SUMF1: variants seen among roughly 807,000 people sequenced by gnomAD.
SUMF1 encodes the protein formylglycine-generating enzyme.
Under a neutral mutation model 47.6 loss-of-function variants are expected in SUMF1, and 48 were observed. The observed-to-expected ratio is 1.01, with a 90% confidence interval of 0.80 to 1.28. SUMF1 has a LOEUF of 1.28. SUMF1 is among the 50% of genes most tolerant of loss of function. The probability of loss-of-function intolerance (pLI) is 0.00; values close to 1 mark genes in which losing one functional copy is unlikely to be tolerated. For missense variants in SUMF1, 571 were observed against 485.4 expected, an observed-to-expected ratio of 1.18 and a Z score of -1.66; for synonymous variants, 230 against 192.1, an observed-to-expected ratio of 1.20 and a Z score of -1.63.
chr3:4,236,219 G>A lies in SUMF1; in HGVS notation c.1014+140111C>T, dbSNP rs1390976729. Reference sequence around the variant, plus strand: ...AAAAATTCAGTTTAAAAGCTACAAAGGAAACTAATAGAAAAACCACATATC... The same window carrying A: ...AAAAATTCAGTTTAAAAGCTACAAAAGAAACTAATAGAAAAACCACATATC... On this transcript the variant is annotated intron_variant and NMD_transcript_variant, in intron 8 of 12. Coordinates refer to the SUMF1 transcript ENST00000448413. 2.6e-5 allele frequency among the ~76,000 whole-genome samples: 4 copies of A among 151,890 alleles called. No homozygotes were observed. The South Asian group carries it at 8.3e-4, about 32-fold the overall frequency.
At chr3:4,109,867 C>T (rs1469953057) in intron 8 of SUMF1, among the ~76,000 whole-genome samples, 3 of 152,194 alleles carry the variant, frequency 2.0e-5, no homozygotes, top group Admixed American at 2.0e-4. Flanking sequence ...GCCATGGGTT[C>T]AAACTTCCTC....
At chr3:4,154,232 T>C (rs947349511) in intron 8 of SUMF1, among the ~76,000 whole-genome samples, 3 of 151,476 alleles carry the variant, frequency 2.0e-5, no homozygotes, top group Non-Finnish European at 2.9e-5. Flanking sequence ...GGCATGATGG[T>C]GGATTCTGGG....
At chr3:4,400,434 C>T (rs1279727171) in intron 7 of SUMF1, among the ~76,000 whole-genome samples, 1 of 152,200 alleles carries the variant, frequency 6.6e-6, no homozygotes, top group East Asian at 1.9e-4. Context: ...GATTCAAATT[C>T]TCTGGAGGCA....
intron 8 of SUMF1, among the ~76,000 whole-genome samples, chr3:4,102,682 A>G (rs1693063399): frequency 6.6e-6 from 1 of 152,060 alleles, no homozygotes; most frequent in African/African-American, 2.4e-5. Context: ...GATTGTGGTT[A>G]TTTGTGTACT....
intron 7 of SUMF1, among the ~76,000 whole-genome samples, chr3:4,379,905 T>C (rs762500986): frequency 2.0e-5 from 3 of 150,026 alleles, no homozygotes; most frequent in Non-Finnish European, 4.4e-5. Flanking sequence ...CCCTAGCAGA[T>C]TAATCCAGAG....
intron 8 of SUMF1, among the ~76,000 whole-genome samples, chr3:4,180,699 C>CACACACACACACACACACACACACACAA (rs557048834): frequency 1.3e-5 from 2 of 151,400 alleles, no homozygotes; most frequent in Non-Finnish European, 3.0e-5. Context: ...CACACACACA[C>CACACACACACACACACACACACACACAA]AAAATTAGCC....
At chr3:4,465,231 C>T (rs575625059) in intron 1 of SUMF1, among the ~76,000 whole-genome samples, 49 of 152,132 alleles carry the variant, frequency 3.2e-4, no homozygotes, top group Non-Finnish European at 6.0e-4. Flanking sequence ...AATCCCAGCA[C>T]GCTGGGAGGC....
chr3:4,220,935 T>C (rs1434927530), intron 8 of SUMF1, among the ~76,000 whole-genome samples: 1 of 152,108 alleles, frequency 6.6e-6, no homozygotes, highest in Admixed American at 6.6e-5. Context: ...TCTCTAAGAG[T>C]GTGCACCAGA....
chr3:4,213,049 G>A lies in SUMF1; in HGVS notation c.1015-144304C>T, dbSNP rs1048155917. Among the ~76,000 whole-genome samples, 15 of 152,184 alleles carry A rather than the reference G, an allele frequency of 9.9e-5. No individual in the cohort carries two copies. In the South Asian group the frequency reaches 2.9e-3, roughly 30 times the overall value. ...AAGACAGGCCAACATTCAAATTCAGGAAATACAGAGAACACCACAAAGATA... is the reference window on the plus strand; with the variant it reads ...AAGACAGGCCAACATTCAAATTCAGAAAATACAGAGAACACCACAAAGATA... On this transcript the variant is annotated intron_variant and NMD_transcript_variant, in intron 8 of 12. Coordinates refer to the SUMF1 transcript ENST00000448413.
At chr3:4,175,994 A>G (rs1298534436) in intron 8 of SUMF1, among the ~76,000 whole-genome samples, 1 of 152,194 alleles carries the variant, frequency 6.6e-6, no homozygotes, top group African/African-American at 2.4e-5. Flanking sequence ...GAGAAAGAAG[A>G]GTAAAAAGAA....
At chr3:4,073,893 G>A (rs1692351959) in intron 8 of SUMF1, among the ~76,000 whole-genome samples, 1 of 152,148 alleles carries the variant, frequency 6.6e-6, no homozygotes, top group Admixed American at 6.5e-5. Context: ...AATAATGGGA[G>A]ACTGTAACAA....
chr3:4,269,172 G>C (rs1697257368), intron 8 of SUMF1, among the ~76,000 whole-genome samples: 1 of 151,956 alleles, frequency 6.6e-6, no homozygotes, highest in Non-Finnish European at 1.5e-5. Flanking sequence ...TATACACACA[G>C]AATCATTTTT....
At chr3:4,253,735 A>C (rs1196559128) in intron 8 of SUMF1, among the ~76,000 whole-genome samples, 1 of 147,000 alleles carries the variant, frequency 6.8e-6, no homozygotes, top group Non-Finnish European at 1.5e-5. Flanking sequence ...AGCAGCCAGG[A>C]AGCTCGAATT....
chr3:4,304,427 C>T lies in SUMF1; in HGVS notation c.1014+71903G>A, dbSNP rs528570607. ...AAAATGCTGGGATTACAGGCATGAG[C>T]CACGCTCCCAGCCTCTACTGACTTT... On this transcript the variant is annotated intron_variant and NMD_transcript_variant, in intron 8 of 12. Transcript: ENST00000448413. 2.0e-5 allele frequency among the ~76,000 whole-genome samples: 3 copies of T among 152,340 alleles called. No homozygotes were observed. The East Asian group carries it at 5.8e-4, about 29-fold the overall frequency.
chr3:4,289,914 A>C (rs1697707601), intron 8 of SUMF1, among the ~76,000 whole-genome samples: 2 of 152,246 alleles, frequency 1.3e-5, no homozygotes, highest in Admixed American at 6.5e-5. Flanking sequence ...TGTTATCAAC[A>C]AAAACAACAA....
intron 8 of SUMF1, among the ~76,000 whole-genome samples, chr3:4,100,495 C>T (rs917194910): frequency 5.9e-5 from 9 of 151,832 alleles, no homozygotes; most frequent in African/African-American, 2.2e-4. Context: ...ATTTAAATGT[C>T]CTTCATCTCA....
In SUMF1 at chr3:4,461,018, G is replaced by A. The variant is rs2125167162; in HGVS notation, c.270+5958C>T. 1.3e-5 allele frequency among the ~76,000 whole-genome samples: 2 copies of A among 152,228 alleles called. 1 individual carries two copies. Among genetic ancestry groups the A allele is most frequent in the Admixed American group, 1.3e-4 (2 of 15,290 alleles). On this transcript the variant is annotated intron_variant, in intron 1 of 8. Coordinates refer to ENST00000272902, the MANE Select transcript of SUMF1 (RefSeq NM_182760.4). ...CCTAGGCTCTTTGAGGACCAGAAAT[G>A]AATCTTTTATTTCTATATCCCCACT...
At chr3:4,117,843 G>A (rs1044235452) in intron 8 of SUMF1, among the ~76,000 whole-genome samples, 2 of 151,870 alleles carry the variant, frequency 1.3e-5, no homozygotes, top group Non-Finnish European at 2.9e-5. Context: ...CATTTCCATT[G>A]GCTACATGGT....
intron 8 of SUMF1, among the ~76,000 whole-genome samples, chr3:4,209,807 G>A (rs1695739750): frequency 6.6e-6 from 1 of 152,086 alleles, no homozygotes; most frequent in Admixed American, 6.6e-5. Flanking sequence ...ATCAAACTAT[G>A]TATAAGATCA....
Sources: gnomAD v4.1 joint callset for allele counts (sites outside exome capture counted in the v4.1 genomes callset) on GRCh38, gnomAD v4.1.1 for gene constraint, MANE v1.5 for transcripts, NCBI Gene and HGNC (gene_info 2026-07-23, HGNC 2026-07-21) for gene names.